Variants in POMZP3 observed in about 807,000 individuals in gnomAD.
The protein encoded by POMZP3 is POM121 and ZP3 fusion protein.
A neutral mutation model predicts 19.8 loss-of-function variants in POMZP3; 10 were observed. The observed-to-expected ratio is 0.51, with a 90% confidence interval of 0.31 to 0.86. POMZP3 has a LOEUF of 0.86. Among genes scored for constraint, POMZP3 ranks in the 40% least tolerant of loss-of-function variants. The pLI, the probability that POMZP3 is intolerant of heterozygous loss-of-function variation, is 0.04. For missense variants in POMZP3, 152 were observed against 228.1 expected, an observed-to-expected ratio of 0.67 and a Z score of 2.15; for synonymous variants, 57 against 85.8, an observed-to-expected ratio of 0.66 and a Z score of 1.85.
chr7:76,623,164 A>G (rs1351785115), intron 3 of POMZP3, among the ~76,000 whole-genome samples: 112 of 147,926 alleles, frequency 7.6e-4, no homozygotes, highest in Middle Eastern at 3.5e-3. Context: ...GAGCCACCGC[A>G]CCCAGCCCAA....
intron 3 of POMZP3, chr7:76,621,332 A>C (rs1357704147): frequency 1.3e-5 from 2 of 148,156 alleles, no homozygotes; most frequent in Non-Finnish European, 3.0e-5. Flanking sequence ...GCTGGAACCC[A>C]GTGTCTTGCT....
At position 76,627,254 on chromosome 7, in the gene POMZP3, G is replaced by A. The variant is rs1156575254; in HGVS notation, c.-698C>T. 3.7e-6 allele frequency: 5 copies of A among 1,359,862 alleles called. No individual in the cohort carries two copies. In the South Asian group the frequency reaches 4.9e-5, roughly 13 times the overall value. The allele number at this position is 1,359,862 out of a possible 1,614,324, so 84.2% of individuals were successfully genotyped here. On this transcript the variant is annotated 5_prime_UTR_variant, in exon 1 of 7. Coordinates refer to ENST00000310842, the MANE Select transcript of POMZP3 (RefSeq NM_012230.5). Reference sequence around the variant, plus strand: ...AGCCGCCGCAGCCGCCGGAGACATCGCGGCTCCGCGCCGCGGAGGAGACTT... The same window carrying A: ...AGCCGCCGCAGCCGCCGGAGACATCACGGCTCCGCGCCGCGGAGGAGACTT...
In POMZP3 at chr7:76,626,843, G is replaced by C. The variant is rs1233993438; in HGVS notation, c.-287C>G. The C allele has an allele frequency of 1.4e-6, 2 of 1,395,746 alleles. No individual in the cohort carries two copies. The highest frequency in any genetic ancestry group is 1.8e-6 in the Non-Finnish European group (2 of 1,084,404). 86.5% of individuals were successfully genotyped at this position (1,395,746 alleles called of 1,614,324 possible). ...GGCGGGCGGCGGCCAGGCCTATTCCGCAGGTCCTGGCCCTCCGGAGCGGGG... is the reference window on the plus strand; with the variant it reads ...GGCGGGCGGCGGCCAGGCCTATTCCCCAGGTCCTGGCCCTCCGGAGCGGGG... On this transcript the variant is annotated 5_prime_UTR_variant, in exon 1 of 7. Transcript: ENST00000310842.
rs1034554743 is a variant in POMZP3 at position 76,610,541 on chromosome 7, A to T, written c.*12-326T>A. On this transcript the variant is annotated intron_variant, in intron 6 of 6. Transcript: ENST00000310842. ...GTGGCACATGCCTGTAGTCTCAGCT[A>T]CTTGGGAGGCTGAGGCAGGAGAATA... 1.6e-4 allele frequency among the ~76,000 whole-genome samples: 24 copies of T among 151,830 alleles called. 1 individual carries two copies. Among genetic ancestry groups the T allele is most frequent in the African/African-American group, 5.8e-4 (24 of 41,300 alleles).
At chr7:76,624,399 T>C (rs1251407211) in intron 3 of POMZP3, among the ~76,000 whole-genome samples, 1 of 151,814 alleles carries the variant, frequency 6.6e-6, no homozygotes, top group Non-Finnish European at 1.5e-5. Flanking sequence ...TTTCTTTCTG[T>C]AATTAGAAAA....
chr7:76,624,635 G>A (rs1391959553), intron 3 of POMZP3, among the ~76,000 whole-genome samples: 3 of 148,354 alleles, frequency 2.0e-5, no homozygotes. Context: ...TAGTAGAGAC[G>A]GGGTTTCACC....
chr7:76,621,102 T>C, intron 3 of POMZP3: 1 of 149,104 alleles, frequency 6.7e-6, no homozygotes, highest in Non-Finnish European at 1.5e-5. Context: ...ATCTTGCTTT[T>C]CTTTGTTGTG....
chr7:76,621,147 C>T (rs1815536731), intron 3 of POMZP3: 1 of 149,238 alleles, frequency 6.7e-6, no homozygotes, highest in South Asian at 2.1e-4. Context: ...GGCGCCATCA[C>T]CGGAGACGCC....
Position 76,615,100 on chromosome 7 carries a change from A to G in POMZP3, c.345+3083T>C, listed in dbSNP as rs1053423091. On this transcript the variant is annotated intron_variant, in intron 4 of 6. Coordinates refer to ENST00000310842, the MANE Select transcript of POMZP3 (RefSeq NM_012230.5). ...ATCATCAATCCTACCTTTGAAGGGG[A>G]GCCCTCCAAGGGCTCAGACTATCTT... Among the ~76,000 whole-genome samples the G allele has an allele frequency of 1.7e-3, 196 of 116,814 alleles. 5 individuals are homozygous for G. Among genetic ancestry groups the G allele is most frequent in the Non-Finnish European group, 2.8e-3 (153 of 54,202 alleles). The allele number at this position is 116,814 out of a possible 152,430, so 76.6% of individuals were successfully genotyped here. A position where few individuals can be genotyped will look rare whatever the true frequency, so the allele number is the denominator to read the frequency against.
intron 3 of POMZP3, among the ~76,000 whole-genome samples, chr7:76,625,221 T>C (rs548073064): frequency 2.5e-4 from 38 of 149,456 alleles, no homozygotes; most frequent in African/African-American, 9.3e-4. Context: ...CTTAGAGCCT[T>C]CTTTCTTGAA....
chr7:76,626,502 G>C (rs1239393004), intron 1 of POMZP3: 4 of 599,928 alleles, frequency 6.7e-6, no homozygotes, highest in South Asian at 2.2e-5. Flanking sequence ...TTTAGAACTG[G>C]AAAGAAGGGA....
In POMZP3 at chr7:76,620,861, A is replaced by ATTTTTTTTTTT. The variant is rs56084078; in HGVS notation, c.228-2572_228-2562dup. On this transcript the variant is annotated intron_variant, in intron 3 of 6. Coordinates refer to ENST00000310842, the MANE Select transcript of POMZP3 (RefSeq NM_012230.5). ...GTTTACTCCTCAGGGCTGTAAAGCC[A>ATTTTTTTTTTT]TTTTTTTTTTTTTTTTTTTTTTTTT... is the stretch of plus-strand genomic sequence containing the variant. 1.8e-4 allele frequency among the ~76,000 whole-genome samples: 14 copies of ATTTTTTTTTTT among 76,200 alleles called. 2 individuals are homozygous for ATTTTTTTTTTT. The East Asian group carries it at 1.9e-3, about 10-fold the overall frequency. The allele number at this position is 76,200 out of a possible 152,430, so 50.0% of individuals were successfully genotyped here. A position where few individuals can be genotyped will look rare whatever the true frequency, so the allele number is the denominator to read the frequency against.
rs779719441 is a variant in POMZP3 at position 76,611,461 on chromosome 7, G to A, written c.*4C>T. The A allele has an allele frequency of 1.9e-6, 3 of 1,550,582 alleles. No individual in the cohort carries two copies. Among genetic ancestry groups the A allele is most frequent in the Non-Finnish European group, 1.7e-6 (2 of 1,148,048 alleles). Reference sequence around the variant, plus strand: ...GGCCATTCTATGACATACCATGCCTGCGGTTACAGGGAAGCAGACGTGGAC... The same window carrying A: ...GGCCATTCTATGACATACCATGCCTACGGTTACAGGGAAGCAGACGTGGAC... On this transcript the variant is annotated 3_prime_UTR_variant, in exon 6 of 7. Transcript: ENST00000310842.
chr7:76,620,393 C>G (rs1262838565), intron 3 of POMZP3, among the ~76,000 whole-genome samples: 4 of 123,250 alleles, frequency 3.2e-5, no homozygotes, highest in Non-Finnish European at 5.1e-5. Context: ...TATTTGCAAA[C>G]TTTTCAGATG....
chr7:76,610,415 G>A (rs561009701), intron 6 of POMZP3, among the ~76,000 whole-genome samples, 200 bp from the exon 7 acceptor site: 1 of 152,186 alleles, frequency 6.6e-6, no homozygotes, highest in South Asian at 2.1e-4. Flanking sequence ...CTTTTTGGGA[G>A]GCTGAGGCAG....
intron 1 of POMZP3, 126 bp downstream of exon 1, chr7:76,626,582 T>C (rs1371140551): frequency 2.4e-6 from 2 of 831,206 alleles, no homozygotes; most frequent in East Asian, 2.9e-5. Flanking sequence ...CACACCAAGG[T>C]GTTAAGGAGG....
intron 3 of POMZP3, among the ~76,000 whole-genome samples, chr7:76,620,895 G>T (rs1481223898): frequency 9.2e-6 from 1 of 108,352 alleles, no homozygotes; most frequent in Admixed American, 1.2e-4. Context: ...TTGAGACAGA[G>T]TCTCTCTGTG....
At position 76,626,169 on chromosome 7, in the gene POMZP3, G is replaced by A. The variant is rs533669389; in HGVS notation, c.-105C>T. On this transcript the variant is annotated 5_prime_UTR_variant, in exon 2 of 7. The change creates a new upstream start codon in the 5' untranslated region. Coordinates refer to ENST00000310842, the MANE Select transcript of POMZP3 (RefSeq NM_012230.5). ...TACTGGGCCTGATGGATCGGATAGC[G>A]TCTTCGAGGTGTTATTACAAACCGA... is the stretch of plus-strand genomic sequence containing the variant. 4 of 1,592,226 alleles carry A rather than the reference G, an allele frequency of 2.5e-6. No homozygotes were observed. The highest frequency in any genetic ancestry group is 2.3e-5 in the East Asian group (1 of 43,742).
At chr7:76,623,992 G>A (rs1455150023) in intron 3 of POMZP3, among the ~76,000 whole-genome samples, 3 of 144,528 alleles carry the variant, frequency 2.1e-5, no homozygotes, top group African/African-American at 2.6e-5. Flanking sequence ...CAGTAAGTAG[G>A]AGAGACGTGA....
Sources: gnomAD v4.1 joint callset for allele counts (sites outside exome capture counted in the v4.1 genomes callset) on GRCh38, gnomAD v4.1.1 for gene constraint, MANE v1.5 for transcripts, NCBI Gene and HGNC (gene_info 2026-07-23, HGNC 2026-07-21) for gene names.